ERCC1: variants seen among roughly 807,000 people sequenced by gnomAD.
The protein encoded by ERCC1 is ERCC excision repair 1, endonuclease non-catalytic subunit, also known as DNA excision repair protein ERCC-1.
Under a neutral mutation model 37.6 loss-of-function variants are expected in ERCC1, and 36 were observed. The observed-to-expected ratio is 0.96, with a 90% CI of 0.73 to 1.26. The LOEUF is 1.26. Among genes scored for constraint, ERCC1 ranks in the 50% most tolerant of loss-of-function variants. The pLI is 0.00. For synonymous variants in ERCC1, 156 were observed against 162.1 expected (o/e 0.96, Z 0.28); for missense variants, 349 against 376.5 (o/e 0.93, Z 0.60).
At position 45,408,669 on chromosome 19, in the gene ERCC1, C is replaced by A. The variant is rs1480382696; in HGVS notation, c.*1006G>T. On this transcript the variant is annotated 3_prime_UTR_variant, in exon 10 of 10. Transcript: ENST00000300853. ...GCAGCAGGGCCTGTGGGGACAGAGC[C>A]CACAGTGGAGACACTGGAGCCTCTG... 7 of 1,613,722 alleles carry A rather than the reference C, an allele frequency of 4.3e-6. No homozygotes were observed. Among genetic ancestry groups the A allele is most frequent in the Non-Finnish European group, 5.9e-6 (7 of 1,179,974 alleles).
intron 4 of ERCC1, chr19:45,419,482 CA>C (rs1485292226): frequency 3.8e-5 from 16 of 424,456 alleles, no homozygotes; most frequent in South Asian, 3.0e-4. Flanking sequence ...GAACAGGTGC[CA>C]GGGGCCCTAG....
At chr19:45,411,314 T>C (rs1973722535) in intron 9 of ERCC1, among the ~76,000 whole-genome samples, 1 of 146,512 alleles carries the variant, frequency 6.8e-6, no homozygotes, top group Non-Finnish European at 1.5e-5. Flanking sequence ...TACCCAGCAG[T>C]GGGATTGCTG....
chr19:45,416,216 G>A (rs918167821), intron 6 of ERCC1, among the ~76,000 whole-genome samples: 2 of 152,236 alleles, frequency 1.3e-5, no homozygotes, highest in Non-Finnish European at 2.9e-5. Context: ...AGTGCCAAAA[G>A]CCACGCCTGG....
chr19:45,429,253 G>C (rs1974777501), intron 1 of ERCC1: 1 of 152,228 alleles, frequency 6.6e-6, no homozygotes, highest in Non-Finnish European at 1.5e-5. Context: ...CTGAGGTCAG[G>C]AGATTGAGAC....
chr19:45,430,997 G>T (rs1002736158), intron 1 of ERCC1, among the ~76,000 whole-genome samples: 11 of 152,088 alleles, frequency 7.2e-5, no homozygotes, highest in Non-Finnish European at 1.5e-4. Context: ...GCCTTCCCCA[G>T]GCTGGAGTGC....
At chr19:45,432,637 G>T (rs1428553523) in intron 1 of ERCC1, among the ~76,000 whole-genome samples, 2 of 152,098 alleles carry the variant, frequency 1.3e-5, no homozygotes, top group Admixed American at 1.3e-4. Context: ...TTTGAACTGG[G>T]CTAAAGCAGT....
chr19:45,426,190 C>A (rs1393048819), upstream of ERCC1, among the ~76,000 whole-genome samples: 1 of 151,718 alleles, frequency 6.6e-6, no homozygotes, highest in Non-Finnish European at 1.5e-5. Context: ...ACCAGCCTGG[C>A]CAATATGGTG....
At chr19:45,423,573 T>C (rs1974575651) in intron 1 of ERCC1, 192 bp from the exon 2 acceptor site, 1 of 1,420,272 alleles carries the variant, frequency 7.0e-7, no homozygotes, top group Non-Finnish European at 9.2e-7. Flanking sequence ...GCCCCGCCCC[T>C]TACAGGTCCA....
chr19:45,443,867 C>G (rs1000157911), intron 1 of ERCC1, among the ~76,000 whole-genome samples: 20 of 151,796 alleles, frequency 1.3e-4, no homozygotes, highest in Non-Finnish European at 2.4e-4. Flanking sequence ...TTCTCCGAAC[C>G]GGCAAACCTC....
upstream of ERCC1, chr19:45,424,131 G>C: frequency 1.1e-6 from 1 of 916,016 alleles, no homozygotes; most frequent in Non-Finnish European, 1.3e-6. Flanking sequence ...GATCGCAGGA[G>C]ATCCAACTTG....
upstream of ERCC1, among the ~76,000 whole-genome samples, chr19:45,426,207 C>T (rs920397215): frequency 3.3e-5 from 5 of 151,944 alleles, no homozygotes; most frequent in South Asian, 2.1e-4. Flanking sequence ...GGTGAAACCC[C>T]GTCTTTACTA....
In ERCC1 at chr19:45,408,070, AAT is replaced by A. The variant is rs1973454367; in HGVS notation, c.*1603_*1604del. 2.0e-6 allele frequency: 3 copies of A among 1,506,608 alleles called. No homozygotes were observed. Among genetic ancestry groups the A allele is most frequent in the Non-Finnish European group, 1.8e-6 (2 of 1,130,088 alleles). 93.3% of individuals were successfully genotyped at this position (1,506,608 alleles called of 1,614,324 possible). A position where few individuals can be genotyped will look rare whatever the true frequency, so the allele number is the denominator to read the frequency against. On this transcript the variant is annotated 3_prime_UTR_variant, in exon 10 of 10. Transcript: ENST00000300853. ...CTCTCTCAAAAAAAAACAAAAAAAAAATCAAAAAACCTTCCCTCTCCTGTTCC... is the reference window on the plus strand; with the variant it reads ...CTCTCTCAAAAAAAAACAAAAAAAAACAAAAAACCTTCCCTCTCCTGTTCC...
At chr19:45,414,745 C>T (rs1381521373) in intron 7 of ERCC1, 116 bp downstream of exon 7, 9 of 768,460 alleles carry the variant, frequency 1.2e-5, no homozygotes, top group Non-Finnish European at 2.1e-5. Context: ...GTGGGATGGG[C>T]CAGGAAAGAC....
Position 45,423,344 on chromosome 19 carries a change from G to A in ERCC1, c.31C>T (p.Pro11Ser), listed in dbSNP as rs2123539700. 1 of 1,613,506 alleles carries A rather than the reference G, an allele frequency of 6.2e-7. No individual in the cohort carries two copies. Among genetic ancestry groups the A allele is most frequent in the Non-Finnish European group, 8.5e-7 (1 of 1,179,836 alleles). MDPGKDKEGV[P>S]QPSGPPARKK... ...CTTGCTGGCGGCCCTGAGGGCTGGG[G>A]CACCCCCTCTTTGTCCTTCCCAGGG... The change falls in exon 2 of 10, where the codon CCC becomes TCC. Residue 11 changes from proline (P) to serine (S), a missense_variant. Pro to Ser is a moderately conservative substitution (Grantham distance 74, BLOSUM62 -1). Transcript: ENST00000300853.
intron 9 of ERCC1, among the ~76,000 whole-genome samples, chr19:45,412,906 C>G (rs1050118811): frequency 6.6e-6 from 1 of 151,682 alleles, no homozygotes; most frequent in African/African-American, 2.4e-5. Context: ...TACCTGGCTA[C>G]TTTTTTGTAT....
intron 1 of ERCC1, among the ~76,000 whole-genome samples, chr19:45,446,782 G>A (rs1393825728): frequency 2.0e-5 from 3 of 152,240 alleles, no homozygotes; most frequent in Admixed American, 6.5e-5. Context: ...GGCAGATCAC[G>A]AGGTCAGGAA....
At position 45,408,093 on chromosome 19, in the gene ERCC1, G is replaced by T. The variant is rs771100281; in HGVS notation, c.*1582C>A. Reference sequence around the variant, plus strand: ...AAAATCAAAAAACCTTCCCTCTCCTGTTCCACTTAAGCCTCTGCCCTCCCT... The same window carrying T: ...AAAATCAAAAAACCTTCCCTCTCCTTTTCCACTTAAGCCTCTGCCCTCCCT... On this transcript the variant is annotated 3_prime_UTR_variant, in exon 10 of 10. Coordinates refer to ENST00000300853, the MANE Select transcript of ERCC1 (RefSeq NM_001983.4). 17 of 1,515,080 alleles carry T rather than the reference G, an allele frequency of 1.1e-5. No individual in the cohort carries two copies. In the African/African-American group the frequency reaches 2.0e-4, roughly 17 times the overall value. 93.9% of individuals were successfully genotyped at this position (1,515,080 alleles called of 1,614,324 possible).
chr19:45,429,845 C>G (rs550596226), intron 1 of ERCC1, among the ~76,000 whole-genome samples: 1 of 152,250 alleles, frequency 6.6e-6, no homozygotes, highest in Admixed American at 6.5e-5. Flanking sequence ...AGTGCAGTGG[C>G]ATGATCACGA....
intron 1 of ERCC1, 188 bp downstream of exon 1, chr19:45,423,593 T>C (rs530558621): frequency 7.1e-7 from 1 of 1,401,312 alleles, no homozygotes; most frequent in Admixed American, 2.9e-5. Context: ...ACAAGTCCCA[T>C]CGCTCCGCCC....
Sources: allele counts gnomAD v4.1 joint callset (sites outside exome capture counted in the v4.1 genomes callset), GRCh38; gene constraint gnomAD v4.1.1; transcripts MANE v1.5; gene names NCBI Gene and HGNC (gene_info 2026-07-23, HGNC 2026-07-21).